The following TEX22 variants were observed in gnomAD, a reference collection of about 807,000 sequenced individuals.
TEX22 encodes testis expressed 22.
TEX22 carries 16 observed loss-of-function variants against 11.3 expected under a neutral mutation model. The observed-to-expected ratio is 1.42, with a 90% CI of 0.96 to 2.15. TEX22 has a LOEUF of 2.15. Among genes scored for constraint, TEX22 ranks in the 30% most tolerant of loss-of-function variants. The pLI is 0.00. For synonymous variants in TEX22, 97 were observed against 92.3 expected, an observed-to-expected ratio of 1.05 and a Z score of -0.29; for missense variants, 220 against 208.6, an observed-to-expected ratio of 1.05 and a Z score of -0.34.
chr14:105,402,597 T>C (rs1485910441), intron 2 of TEX22, among the ~76,000 whole-genome samples: 7 of 150,550 alleles, frequency 4.6e-5, no homozygotes, highest in Non-Finnish European at 7.4e-5. Context: ...TACTAAAAAA[T>C]ACAAAAAAAT....
intron 1 of TEX22, 150 bp from the exon 2 acceptor site, chr14:105,399,152 C>A (rs587621369): frequency 1.7e-6 from 1 of 591,160 alleles, no homozygotes; most frequent in Admixed American, 3.0e-5. Context: ...CCACTCCACC[C>A]AGAGGGGTCA....
Position 105,402,555 on chromosome 14 carries a change from C to T in TEX22, c.150+3065C>T, listed in dbSNP as rs587611464. Among the ~76,000 whole-genome samples, 349 of 151,720 alleles carry T rather than the reference C, an allele frequency of 2.3e-3. 7 individuals carry two copies. The South Asian group carries it at 0.037, about 16-fold the overall frequency. On this transcript the variant is annotated intron_variant, in intron 2 of 3. Transcript: ENST00000451127. ...AGATCACAAGGTCTGGAGATCAAGA[C>T]CATCCTGGCTAACACGGTGAAACCC...
intron 2 of TEX22, among the ~76,000 whole-genome samples, chr14:105,406,258 C>CT (rs1234594602): frequency 6.6e-6 from 1 of 152,196 alleles, no homozygotes; most frequent in Non-Finnish European, 1.5e-5. Context: ...ACAAATCTAA[C>CT]TACAGAGTTT....
At chr14:105,411,525 C>CCGGGGGG in intron 3 of TEX22, 29 bp downstream of exon 3, 10 of 1,056,464 alleles carry the variant, frequency 9.5e-6, no homozygotes, top group East Asian at 5.1e-5. Context: ...CTCCCCGCCC[C>CCGGGGGG]GTCCCCGCCC....
chr14:105,403,721 C>T (rs2081644403), intron 2 of TEX22, among the ~76,000 whole-genome samples: 1 of 152,216 alleles, frequency 6.6e-6, no homozygotes, highest in Non-Finnish European at 1.5e-5. Context: ...TGCGCCCAGC[C>T]AGATTTAACG....
At chr14:105,402,526 GGGCA>G (rs1433809467) in intron 2 of TEX22, among the ~76,000 whole-genome samples, 2 of 151,760 alleles carry the variant, frequency 1.3e-5, no homozygotes, top group Non-Finnish European at 1.5e-5. Flanking sequence ...AGGCTGGGGC[GGGCA>G]GATCACAAGG....
rs587625484 is a variant in TEX22 at position 105,407,739 on chromosome 14, G to T, written c.151-3629G>T. 5.3e-5 allele frequency among the ~76,000 whole-genome samples: 8 copies of T among 152,194 alleles called. No homozygotes were observed. The South Asian group carries it at 1.7e-3, about 32-fold the overall frequency. On this transcript the variant is annotated intron_variant, in intron 2 of 3. Coordinates refer to ENST00000451127, the MANE Select transcript of TEX22 (RefSeq NM_001195082.2). Reference sequence around the variant, plus strand: ...TTTTCACTCAGGACTTAATTAGAAGGGTGTTTTGGAATGTCCATATCAACA... The same window carrying T: ...TTTTCACTCAGGACTTAATTAGAAGTGTGTTTTGGAATGTCCATATCAACA...
chr14:105,411,308 G>T, intron 2 of TEX22, 60 bp from the exon 3 acceptor site: 1 of 1,250,392 alleles, frequency 8.0e-7, no homozygotes, highest in Non-Finnish European at 1.0e-6. Context: ...GGTGCTGGGT[G>T]GGAGCGGCGA....
chr14:105,412,618 A>AAG lies in TEX22; in HGVS notation c.*785_*786insAG, dbSNP rs2081701503. ...AGCCGGGGTAACGTGTCCCAGCTGC[A>AAG]TTTTGGGGACACTAAGTTGCAGGGG... On this transcript the variant is annotated 3_prime_UTR_variant, in exon 4 of 4. Transcript: ENST00000451127. This position sits in a 1 kb window ranked among gnomAD's most constrained non-coding sequence, Gnocchi z 5.8. 7.2e-6 allele frequency: 1 copy of AAG among 138,694 alleles called. No homozygotes were observed. The highest frequency in any genetic ancestry group is 7.6e-5 in the Admixed American group (1 of 13,198). 8.6% of individuals were successfully genotyped at this position (138,694 alleles called of 1,614,324 possible). A position where few individuals can be genotyped will look rare whatever the true frequency, so the allele number is the denominator to read the frequency against.
At chr14:105,400,426 A>G (rs1042765070) in intron 2 of TEX22, among the ~76,000 whole-genome samples, 1 of 152,066 alleles carries the variant, frequency 6.6e-6, no homozygotes, top group Non-Finnish European at 1.5e-5. Flanking sequence ...ATGACAGGCA[A>G]TCCGGACTAT....
Position 105,398,573 on chromosome 14 carries a change from C to T in TEX22, c.-102C>T, listed in dbSNP as rs2081597871. 1 of 152,298 alleles carries T rather than the reference C, an allele frequency of 6.6e-6. No homozygotes were observed. The highest frequency in any genetic ancestry group is 6.5e-5 in the Admixed American group (1 of 15,292). The allele number at this position is 152,298 out of a possible 1,614,324, so 9.4% of individuals were successfully genotyped here. On this transcript the variant is annotated 5_prime_UTR_variant, in exon 1 of 4. Transcript: ENST00000451127. Reference sequence around the variant, plus strand: ...ACGTTCTGGAGCGAGGCGCCGGCCCCTTGGGCCCCCTCAAGCCGCGGTGTA... The same window carrying T: ...ACGTTCTGGAGCGAGGCGCCGGCCCTTTGGGCCCCCTCAAGCCGCGGTGTA...
intron 1 of TEX22, 27 bp from the exon 2 acceptor site, chr14:105,399,275 C>A (rs1473937363): frequency 9.6e-6 from 12 of 1,249,618 alleles, no homozygotes; most frequent in Non-Finnish European, 1.3e-5. Context: ...TGGGCCCCGC[C>A]CCACCTCCCC....
chr14:105,400,287 C>T (rs1245681285), intron 2 of TEX22, among the ~76,000 whole-genome samples: 2 of 152,232 alleles, frequency 1.3e-5, no homozygotes, highest in African/African-American at 4.8e-5. Context: ...CCCGCTGAGG[C>T]CCCTTTGTAC....
In TEX22 at chr14:105,398,646, CCTT is replaced by C. The variant is rs1212355063; in HGVS notation, c.-40+14_-40+16del. On this transcript the variant is annotated intron_variant, in intron 1 of 3. Coordinates refer to ENST00000451127, the MANE Select transcript of TEX22 (RefSeq NM_001195082.2). ...CTCCATCCGCGGCGGGTCTGTCCCT[CCTT>C]CTGTCTCCGGGTGCCCACGTACCCC... 4 of 152,406 alleles carry C rather than the reference CCTT, an allele frequency of 2.6e-5. No individual in the cohort carries two copies. The highest frequency in any genetic ancestry group is 2.1e-4 in the South Asian group (1 of 4,870). The allele number at this position is 152,406 out of a possible 1,614,324, so 9.4% of individuals were successfully genotyped here.
chr14:105,411,744 T>C lies in TEX22; in HGVS notation c.364T>C (p.Ser122Pro), dbSNP rs1200199361. 5 of 1,518,910 alleles carry C rather than the reference T, an allele frequency of 3.3e-6. No homozygotes were observed. Among genetic ancestry groups the C allele is most frequent in the Non-Finnish European group, 4.4e-6 (5 of 1,138,068 alleles). The allele number at this position is 1,518,910 out of a possible 1,614,324, so 94.1% of individuals were successfully genotyped here. The change falls in exon 4 of 4, where the codon TCC becomes CCC. Residue 122 changes from serine (S) to proline (P), a missense_variant. Physicochemically the swap from Ser to Pro is moderately conservative, Grantham distance 74. Transcript: ENST00000451127. ...TCCCCACCCGCTGAGGTCCACCGAG[T>C]CCACCAACGCCTTCCAGGCCTTCCT... Reference protein sequence around the residue: ...LLPHPLRSTESTNAFQAFLAR... With the variant: ...LLPHPLRSTEPTNAFQAFLAR...
intron 2 of TEX22, among the ~76,000 whole-genome samples, chr14:105,400,845 T>C: frequency 6.6e-6 from 1 of 152,198 alleles, no homozygotes; most frequent in Admixed American, 6.5e-5. Flanking sequence ...CCCTAAAAAA[T>C]GTGGGTGCCC....
At chr14:105,402,569 A>T (rs1024474023) in intron 2 of TEX22, among the ~76,000 whole-genome samples, 2 of 151,678 alleles carry the variant, frequency 1.3e-5, no homozygotes, top group South Asian at 4.1e-4. Context: ...CCTGGCTAAC[A>T]CGGTGAAACC....
intron 2 of TEX22, among the ~76,000 whole-genome samples, chr14:105,408,958 CCCTCCT>C (rs1486800673): frequency 6.6e-6 from 1 of 150,958 alleles, no homozygotes; most frequent in Non-Finnish European, 1.5e-5. Context: ...CTCCCCCTCC[CCCTCCT>C]CCTGCTCCTC....
intron 2 of TEX22, among the ~76,000 whole-genome samples, chr14:105,401,396 G>C (rs1270035277): frequency 6.6e-6 from 1 of 151,860 alleles, no homozygotes; most frequent in South Asian, 2.1e-4. Flanking sequence ...AAAAGAAGTC[G>C]CAGCCATAAA....
Sources: allele counts gnomAD v4.1 joint callset (sites outside exome capture counted in the v4.1 genomes callset), GRCh38; gene constraint gnomAD v4.1.1; non-coding constraint Gnocchi (gnomAD v3.1); transcripts MANE v1.5; gene names NCBI Gene and HGNC (gene_info 2026-07-23, HGNC 2026-07-21).